The following RAB38 variants were observed in gnomAD, a reference collection of about 807,000 sequenced individuals.
RAB38 encodes ras-related protein Rab-38.
Under a neutral mutation model 18.4 loss-of-function variants are expected in RAB38, and 15 were observed. The observed-to-expected ratio is 0.82, with a 90% CI of 0.55 to 1.26. RAB38 has a LOEUF of 1.26. Among genes scored for constraint, RAB38 ranks in the 50% most tolerant of loss-of-function variants. The pLI, the probability that RAB38 is intolerant of heterozygous loss-of-function variation, is 0.00. For missense variants in RAB38, 294 were observed against 267.4 expected (o/e 1.10, Z -0.69); for synonymous variants, 101 against 104.4 (o/e 0.97, Z 0.20).
chr11:87,953,516 T>C, the RAB38 span, among the ~76,000 whole-genome samples: 387 of 152,152 alleles, frequency 2.5e-3, 2 homozygotes, highest in African/African-American at 8.8e-3. Flanking sequence ...TGTGCTATAA[T>C]AAAATTTATG....
At chr11:88,099,144 T>C in the RAB38 span, among the ~76,000 whole-genome samples, 2 of 151,958 alleles carry the variant, frequency 1.3e-5, no homozygotes, top group African/African-American at 2.4e-5. Flanking sequence ...AATAGAACTA[T>C]ATTTGATCCT....
chr11:88,039,439 A>G, the RAB38 span, among the ~76,000 whole-genome samples: 3 of 152,130 alleles, frequency 2.0e-5, no homozygotes, highest in Non-Finnish European at 4.4e-5. Context: ...TCCTTAGGCC[A>G]ATGTAAAGCA....
the RAB38 span, among the ~76,000 whole-genome samples, chr11:87,816,747 A>ATTTT: frequency 6.6e-6 from 1 of 151,992 alleles, no homozygotes. Context: ...TATAGACTTT[A>ATTTT]TTTTTCTGAA....
chr11:87,871,773 A>G, the RAB38 span, among the ~76,000 whole-genome samples: 1 of 151,556 alleles, frequency 6.6e-6, no homozygotes, highest in Non-Finnish European at 1.5e-5. Flanking sequence ...AAGTAGAAGC[A>G]TATAATATAT....
At chr11:87,824,314 T>C in the RAB38 span, among the ~76,000 whole-genome samples, 1 of 152,122 alleles carries the variant, frequency 6.6e-6, no homozygotes, top group East Asian at 1.9e-4. Context: ...CAGAAAACAT[T>C]TGGGTCTCTG....
chr11:88,098,879 T>C, the RAB38 span, among the ~76,000 whole-genome samples: 1 of 151,962 alleles, frequency 6.6e-6, no homozygotes, highest in African/African-American at 2.4e-5. Context: ...TGTTTAAAAA[T>C]AGCCCATTTT....
At chr11:87,817,853 C>A in the RAB38 span, among the ~76,000 whole-genome samples, 2 of 151,872 alleles carry the variant, frequency 1.3e-5, no homozygotes, top group African/African-American at 4.8e-5. Context: ...CAAATGCAGT[C>A]GAGGCAAAAA....
the RAB38 span, among the ~76,000 whole-genome samples, chr11:87,974,872 A>G: frequency 6.6e-6 from 1 of 151,926 alleles, no homozygotes; most frequent in Admixed American, 6.6e-5. Context: ...CTTTAGAGCA[A>G]CGAATTCATT....
chr11:88,052,934 A>C, the RAB38 span, among the ~76,000 whole-genome samples: 1 of 25,332 alleles, frequency 3.9e-5, no homozygotes, highest in Non-Finnish European at 7.0e-5. Context: ...ATATATATAT[A>C]TATATATATA....
chr11:87,937,771 T>C, the RAB38 span, among the ~76,000 whole-genome samples: 1 of 152,050 alleles, frequency 6.6e-6, no homozygotes, highest in Non-Finnish European at 1.5e-5. Flanking sequence ...TGGTTCTTCA[T>C]AATATCTTCT....
the RAB38 span, among the ~76,000 whole-genome samples, chr11:87,976,023 G>C: frequency 1.0e-3 from 156 of 150,768 alleles, 1 homozygote; most frequent in African/African-American, 3.6e-3. Context: ...CAAAACATAA[G>C]ACTCCAAATA....
chr11:87,842,276 A>T, the RAB38 span, among the ~76,000 whole-genome samples: 1 of 152,204 alleles, frequency 6.6e-6, no homozygotes, highest in African/African-American at 2.4e-5. Flanking sequence ...GGAAGAGACA[A>T]TGGAGCATCA....
the RAB38 span, among the ~76,000 whole-genome samples, chr11:88,027,915 G>C: frequency 6.6e-6 from 1 of 152,194 alleles, no homozygotes; most frequent in African/African-American, 2.4e-5. Context: ...AGAATGGGCA[G>C]ACTGCCTCCT....
the RAB38 span, among the ~76,000 whole-genome samples, chr11:87,861,190 G>A: frequency 6.6e-6 from 1 of 151,848 alleles, no homozygotes; most frequent in Non-Finnish European, 1.5e-5. Context: ...TCTTATTCAT[G>A]CCCTAATTGA....
At chr11:87,918,436 T>C in the RAB38 span, among the ~76,000 whole-genome samples, 1 of 152,164 alleles carries the variant, frequency 6.6e-6, no homozygotes, top group Non-Finnish European at 1.5e-5. Context: ...ATAGTAGTTC[T>C]AATTTTTGAG....
the RAB38 span, among the ~76,000 whole-genome samples, chr11:87,856,780 TAAATG>T: frequency 6.6e-6 from 1 of 152,148 alleles, no homozygotes; most frequent in Non-Finnish European, 1.5e-5. Context: ...CCAGTACTTG[TAAATG>T]AAATAAAGTA....
chr11:87,952,573 A>G, the RAB38 span, among the ~76,000 whole-genome samples: 1 of 152,222 alleles, frequency 6.6e-6, no homozygotes, highest in Non-Finnish European at 1.5e-5. Flanking sequence ...TTGGTCCAAG[A>G]GGAACACAGC....
the RAB38 span, among the ~76,000 whole-genome samples, chr11:88,100,456 T>C: frequency 6.6e-6 from 1 of 151,938 alleles, no homozygotes; most frequent in Non-Finnish European, 1.5e-5. Flanking sequence ...ATGTTAATAT[T>C]ATAATTCATC....
the RAB38 span, among the ~76,000 whole-genome samples, chr11:88,076,021 A>G: frequency 1.3e-5 from 2 of 151,612 alleles, no homozygotes; most frequent in Non-Finnish European, 2.9e-5. Flanking sequence ...AAATATTAAA[A>G]TTGAAAATAA....
Sources: allele counts gnomAD v4.1 joint callset (sites outside exome capture counted in the v4.1 genomes callset), GRCh38; gene constraint gnomAD v4.1.1; transcripts MANE v1.5; gene names NCBI Gene and HGNC (gene_info 2026-07-23, HGNC 2026-07-21).